Variants in PROM1 observed in about 807,000 individuals in gnomAD.
The protein encoded by PROM1 is prominin-1.
A neutral mutation model predicts 116.9 loss-of-function variants in PROM1; 105 were observed. The ratio of observed to expected loss-of-function variants is 0.90; its 90% CI spans 0.77 to 1.06. PROM1 has a LOEUF of 1.06. PROM1 is among the 50% of genes least tolerant of loss of function. PROM1 has a pLI of 0.00. For missense variants in PROM1, 1,122 were observed against 1,045.2 expected (o/e 1.07, Z -1.01); for synonymous variants, 393 against 387.0 (o/e 1.02, Z -0.18).
intron 27 of PROM1, among the ~76,000 whole-genome samples, chr4:15,970,522 T>C (rs1714223828): frequency 6.6e-6 from 1 of 152,076 alleles, no homozygotes; most frequent in Non-Finnish European, 1.5e-5. Flanking sequence ...AAAATTTTAT[T>C]TTTTTAATAT....
At chr4:16,032,920 A>G (rs1216132360) in intron 5 of PROM1, among the ~76,000 whole-genome samples, 2 of 152,230 alleles carry the variant, frequency 1.3e-5, no homozygotes, top group Admixed American at 6.5e-5. Context: ...GGACTCAACT[A>G]GCAAATCAAC....
intron 2 of PROM1, among the ~76,000 whole-genome samples, chr4:16,073,099 A>G (rs558899338): frequency 1.3e-4 from 20 of 152,314 alleles, no homozygotes; most frequent in Non-Finnish European, 2.4e-4. Context: ...TGCTTGAATT[A>G]AACTCTTTCT....
chr4:15,991,354 A>T, intron 17 of PROM1, 61 bp from the exon 18 acceptor site: 1 of 1,119,788 alleles, frequency 8.9e-7, no homozygotes, highest in African/African-American at 1.6e-5. Flanking sequence ...TTAACACAAC[A>T]TCTAGTAGGC....
At chr4:16,005,059 T>A (rs1391101148) in intron 13 of PROM1, among the ~76,000 whole-genome samples, 1 of 150,176 alleles carries the variant, frequency 6.7e-6, no homozygotes, top group African/African-American at 2.5e-5. Flanking sequence ...GCCTCCTGGG[T>A]TCAGGTGATT....
Position 16,023,330 on chromosome 4 carries a change from T to C in PROM1, c.780A>G (p.Ala260=), listed in dbSNP as rs1730388973. 1 of 1,600,706 alleles carries C rather than the reference T, an allele frequency of 6.2e-7. No individual in the cohort carries two copies. Among genetic ancestry groups the C allele is most frequent in the East Asian group, 2.2e-5 (1 of 44,562 alleles). Residue 260 remains alanine (A), a synonymous_variant, in exon 8 of 28, where the codon GCA becomes GCG. Coordinates refer to ENST00000447510, the MANE Select transcript of PROM1 (RefSeq NM_006017.3). ...IPVLDEIKSM[A]TAIKETKEAL... ...TCATTTTTGCCCACTGCTTACCTGT[T>C]GCCATGGACTTAATCTCATCAAGAA...
chr4:16,043,113 C>T (rs764163022), intron 2 of PROM1, among the ~76,000 whole-genome samples: 2 of 151,808 alleles, frequency 1.3e-5, no homozygotes, highest in Non-Finnish European at 2.9e-5. Flanking sequence ...TATTGATAAA[C>T]AAAATCTCTC....
chr4:16,015,758 G>A (rs1728224642), intron 10 of PROM1, among the ~76,000 whole-genome samples: 1 of 151,904 alleles, frequency 6.6e-6, no homozygotes, highest in Non-Finnish European at 1.5e-5. Flanking sequence ...GAAAAGAAGA[G>A]AGTGCCAAGC....
chr4:16,045,834 A>G (rs1736424056), intron 2 of PROM1, among the ~76,000 whole-genome samples: 1 of 152,184 alleles, frequency 6.6e-6, no homozygotes, highest in African/African-American at 2.4e-5. Context: ...ACAGTGGAGC[A>G]TTGCTCAGAT....
intron 2 of PROM1, among the ~76,000 whole-genome samples, chr4:16,070,770 A>T (rs980628090): frequency 6.6e-6 from 1 of 152,178 alleles, no homozygotes; most frequent in African/African-American, 2.4e-5. Flanking sequence ...CGCTACTGTC[A>T]GGCTTGCCAA....
intron 2 of PROM1, among the ~76,000 whole-genome samples, chr4:16,074,331 A>G (rs971319509): frequency 3.9e-5 from 6 of 152,190 alleles, no homozygotes; most frequent in Non-Finnish European, 8.8e-5. Flanking sequence ...GTACCCCGTG[A>G]ATATATACAC....
intron 2 of PROM1, among the ~76,000 whole-genome samples, chr4:16,074,223 T>C (rs895542413): frequency 2.6e-5 from 4 of 151,386 alleles, no homozygotes; most frequent in African/African-American, 9.7e-5. Flanking sequence ...AGTAATTGGA[T>C]TGTTTGTAAC....
At chr4:16,074,354 G>A (rs957020543) in intron 2 of PROM1, among the ~76,000 whole-genome samples, 8 of 152,214 alleles carry the variant, frequency 5.3e-5, no homozygotes, top group South Asian at 2.1e-4. Flanking sequence ...ACTAGGTACC[G>A]ACAAAAATTA....
chr4:16,043,559 T>A (rs556723747), intron 2 of PROM1, among the ~76,000 whole-genome samples: 1 of 152,246 alleles, frequency 6.6e-6, no homozygotes, highest in South Asian at 2.1e-4. Context: ...ACTGCCACAG[T>A]CCTCCAAGCG....
chr4:16,040,658 A>G (rs904412295), intron 2 of PROM1, among the ~76,000 whole-genome samples: 2 of 152,254 alleles, frequency 1.3e-5, no homozygotes, highest in Non-Finnish European at 2.9e-5. Flanking sequence ...TGCTACGAAC[A>G]TGCTCATGTG....
At chr4:15,984,541 G>A (rs1017822773) in intron 22 of PROM1, among the ~76,000 whole-genome samples, 186 bp from the exon 23 acceptor site, 25 of 152,216 alleles carry the variant, frequency 1.6e-4, no homozygotes, top group African/African-American at 5.5e-4. Context: ...GTTAGGAACT[G>A]GGCTCCACAG....
At chr4:16,082,178 CG>C (rs1340496925) in intron 1 of PROM1, 1 of 152,022 alleles carries the variant, frequency 6.6e-6, no homozygotes. Flanking sequence ...TCAACTCCAC[CG>C]GGGCTCCTAG....
At chr4:16,041,768 A>AT (rs1735304004) in intron 2 of PROM1, among the ~76,000 whole-genome samples, 7 of 39,878 alleles carry the variant, frequency 1.8e-4, no homozygotes, top group African/African-American at 5.9e-4. Flanking sequence ...ATAAATAAAT[A>AT]AATAAATAAA....
intron 5 of PROM1, among the ~76,000 whole-genome samples, chr4:16,030,441 T>C (rs750191998): frequency 5.3e-5 from 8 of 152,180 alleles, no homozygotes; most frequent in Non-Finnish European, 8.8e-5. Context: ...AAAAAAATTG[T>C]TTTAACTGAA....
chr4:15,979,489 A>C (rs1199608714), intron 25 of PROM1, 26 bp from the exon 26 acceptor site: 1 of 1,593,192 alleles, frequency 6.3e-7, no homozygotes. Flanking sequence ...ATACACCAAA[A>C]ACACCATGTT....
Sources: gnomAD v4.1 joint callset for allele counts (sites outside exome capture counted in the v4.1 genomes callset) on GRCh38, gnomAD v4.1.1 for gene constraint, MANE v1.5 for transcripts, NCBI Gene and HGNC (gene_info 2026-07-23, HGNC 2026-07-21) for gene names.